The following CCR5AS variants were observed in gnomAD, a reference collection of about 807,000 sequenced individuals.
CCR5AS encodes CCR5 antisense RNA.
At chr3:46,394,855 G>T (rs976330002) in intron 1 of CCR5AS, among the ~76,000 whole-genome samples, 1 of 152,198 alleles carries the variant, frequency 6.6e-6, no homozygotes, top group Non-Finnish European at 1.5e-5. Flanking sequence ...GGGAAGGAGA[G>T]GACAGGTGGG....
At chr3:46,390,284 G>A (rs1281283710) in intron 2 of CCR5AS, among the ~76,000 whole-genome samples, 5 of 152,142 alleles carry the variant, frequency 3.3e-5, no homozygotes, top group Admixed American at 3.3e-4. Flanking sequence ...AGTTGTGGAA[G>A]GGTGTATTGA....
intron 2 of CCR5AS, among the ~76,000 whole-genome samples, chr3:46,378,435 G>C (rs1701783339): frequency 6.6e-6 from 1 of 151,810 alleles, no homozygotes; most frequent in Non-Finnish European, 1.5e-5. Context: ...GTCATGTTTT[G>C]GGGACTTATT....
At chr3:46,388,200 G>T (rs1457832607) in intron 2 of CCR5AS, among the ~76,000 whole-genome samples, 1 of 152,072 alleles carries the variant, frequency 6.6e-6, no homozygotes, top group Admixed American at 6.5e-5. Flanking sequence ...AAATTTTTGG[G>T]GGTGGTATGG....
rs576076246 is a variant in CCR5AS at position 46,369,071 on chromosome 3, C to T, written n.565+2173G>A. The stretch of plus-strand genomic sequence containing the variant: ...TTTATTTGTTACCTATTTTTGAACT[C>T]TTTCAAAAGCACACTTTATATTTCC... On this transcript the variant is annotated intron_variant and non_coding_transcript_variant, in intron 3 of 3. Coordinates refer to ENST00000451485, the Ensembl canonical transcript of CCR5AS. Among the ~76,000 whole-genome samples the T allele has an allele frequency of 5.3e-5, 8 of 152,324 alleles. 1 individual carries two copies. The highest frequency in any genetic ancestry group is 1.9e-4 in the African/African-American group (8 of 41,584).
chr3:46,378,212 C>G (rs1701781737), intron 2 of CCR5AS, among the ~76,000 whole-genome samples: 1 of 152,078 alleles, frequency 6.6e-6, no homozygotes, highest in South Asian at 2.1e-4. Flanking sequence ...AAAACAGAGT[C>G]AACCCTTAAT....
At chr3:46,405,663 AAGAGAGG>A (rs1223862423) in intron 1 of CCR5AS, among the ~76,000 whole-genome samples, 1 of 152,070 alleles carries the variant, frequency 6.6e-6, no homozygotes, top group Non-Finnish European at 1.5e-5. Flanking sequence ...AGACCCACAC[AAGAGAGG>A]AGAGGGCACT....
chr3:46,393,433 T>C lies in CCR5AS; in HGVS notation n.164-381A>G, dbSNP rs568017545. The stretch of plus-strand genomic sequence containing the variant: ...CTGCAGTGAGCCAAGATCACACTAC[T>C]GCACTCCTGCCTGGGCAACAGAGCC... On this transcript the variant is annotated intron_variant and non_coding_transcript_variant, in intron 1 of 3. Coordinates refer to ENST00000451485, the Ensembl canonical transcript of CCR5AS. 7.5e-5 allele frequency among the ~76,000 whole-genome samples: 10 copies of C among 133,544 alleles called. No individual in the cohort carries two copies. The South Asian group carries it at 2.3e-3, about 31-fold the overall frequency. 87.6% of individuals were successfully genotyped at this position (133,544 alleles called of 152,430 possible).
chr3:46,374,046 G>A (rs1701717294), intron 2 of CCR5AS: 1 of 968,372 alleles, frequency 1.0e-6, no homozygotes, highest in Non-Finnish European at 1.5e-6. Context: ...GGGTGGGGTG[G>A]GAGAGGTCTT....
chr3:46,366,844 G>A (rs868119081), intron 3 of CCR5AS, among the ~76,000 whole-genome samples: 1 of 152,182 alleles, frequency 6.6e-6, no homozygotes, highest in Non-Finnish European at 1.5e-5. Context: ...TGAGGATCAG[G>A]GGGACTCCCT....
intron 3 of CCR5AS, among the ~76,000 whole-genome samples, chr3:46,365,520 T>C (rs1419952268): frequency 6.6e-6 from 1 of 152,188 alleles, no homozygotes; most frequent in Non-Finnish European, 1.5e-5. Flanking sequence ...AAGGTTATTT[T>C]TGAGATATTT....
intron 2 of CCR5AS, among the ~76,000 whole-genome samples, chr3:46,378,684 G>A (rs1701785153): frequency 6.6e-6 from 1 of 152,106 alleles, no homozygotes; most frequent in Non-Finnish European, 1.5e-5. Flanking sequence ...GTGAAAAAGA[G>A]GTATTTCCAC....
chr3:46,375,009 G>C (rs1701733421), intron 2 of CCR5AS: 1 of 167,492 alleles, frequency 6.0e-6, no homozygotes, highest in Non-Finnish European at 1.5e-5. Flanking sequence ...AGGAGTCAGA[G>C]AGAATCCCTA....
intron 1 of CCR5AS, among the ~76,000 whole-genome samples, chr3:46,400,183 G>T (rs1376945811): frequency 6.6e-6 from 1 of 152,086 alleles, no homozygotes; most frequent in Non-Finnish European, 1.5e-5. Flanking sequence ...TAGAGACAGG[G>T]TCTCGCCATG....
intron 1 of CCR5AS, among the ~76,000 whole-genome samples, chr3:46,394,363 C>G (rs965210663): frequency 6.6e-6 from 1 of 152,144 alleles, no homozygotes; most frequent in East Asian, 1.9e-4. Flanking sequence ...AGGCTCCTGG[C>G]AGATTTCGGC....
intron 2 of CCR5AS, chr3:46,371,433 A>T (rs1056768727): frequency 6.6e-6 from 1 of 152,338 alleles, no homozygotes; most frequent in Non-Finnish European, 1.5e-5. Context: ...AATGGTCAAA[A>T]TTAATATTAA....
At chr3:46,367,960 G>A (rs1701616231) in intron 3 of CCR5AS, among the ~76,000 whole-genome samples, 1 of 152,196 alleles carries the variant, frequency 6.6e-6, no homozygotes, top group Non-Finnish European at 1.5e-5. Flanking sequence ...AGTCAACTCA[G>A]GCCCCAGGGA....
intron 2 of CCR5AS, among the ~76,000 whole-genome samples, chr3:46,379,234 A>G (rs1415420963): frequency 7.7e-6 from 1 of 129,290 alleles, no homozygotes; most frequent in Non-Finnish European, 1.5e-5. Flanking sequence ...ATGTGATCTC[A>G]TTGTTCAATT....
intron 1 of CCR5AS, among the ~76,000 whole-genome samples, chr3:46,399,698 A>G (rs952111844): frequency 2.0e-5 from 3 of 152,196 alleles, no homozygotes; most frequent in Admixed American, 6.5e-5. Context: ...CCATGGAGAG[A>G]GGAAAAATGT....
intron 3 of CCR5AS, among the ~76,000 whole-genome samples, chr3:46,365,920 C>A (rs907530265): frequency 1.2e-4 from 18 of 152,212 alleles, no homozygotes; most frequent in Non-Finnish European, 5.9e-5. Flanking sequence ...ATCCCCACTC[C>A]CCCTGCTCAG....
Sources: allele counts gnomAD v4.1 joint callset (sites outside exome capture counted in the v4.1 genomes callset), GRCh38; gene constraint gnomAD v4.1.1; transcripts MANE v1.5; gene names NCBI Gene and HGNC (gene_info 2026-07-23, HGNC 2026-07-21).